Variants in CSGALNACT1 observed in about 807,000 individuals in gnomAD.
CSGALNACT1 encodes the protein beta4GalNAcT-1.
In CSGALNACT1, 52 loss-of-function variants were observed where a neutral mutation model predicts 51.0. That is an observed-to-expected ratio of 1.02 (90% CI 0.82 to 1.29). The LOEUF (loss-of-function observed/expected upper bound fraction) is 1.29. Among genes scored for constraint, CSGALNACT1 ranks in the 50% most tolerant of loss-of-function variants. The probability of loss-of-function intolerance (pLI) is 0.00; values close to 1 mark genes in which losing one functional copy is unlikely to be tolerated. For synonymous variants in CSGALNACT1, 341 were observed against 254.4 expected (o/e 1.34, Z -3.24); for missense variants, 935 against 679.2 (o/e 1.38, Z -4.19).
At position 19,418,646 on chromosome 8, in the gene CSGALNACT1, A is replaced by C. The variant is rs1427430271; in HGVS notation, c.1227+10T>G. 1.9e-6 allele frequency: 3 copies of C among 1,580,428 alleles called. No homozygotes were observed. The highest frequency in any genetic ancestry group is 3.3e-5 in the Admixed American group (2 of 59,972). ...AGCCACACAGAGCCATCTGCAGGGT[A>C]ATTACTCACCAGCTGCTGTTCCAAG... is the stretch of plus-strand genomic sequence containing the variant. On this transcript the variant is annotated intron_variant, in intron 8 of 9. Coordinates refer to ENST00000454498, the Ensembl canonical transcript of CSGALNACT1.
chr8:19,633,105 C>T (rs918267365), intron 1 of CSGALNACT1, among the ~76,000 whole-genome samples: 1 of 151,896 alleles, frequency 6.6e-6, no homozygotes, highest in Non-Finnish European at 1.5e-5. Context: ...AGTTTGGGGG[C>T]TGGTAAGAAT....
At chr8:19,674,136 A>G (rs369385052) in intron 1 of CSGALNACT1, among the ~76,000 whole-genome samples, 30 of 152,282 alleles carry the variant, frequency 2.0e-4, no homozygotes, top group African/African-American at 7.0e-4. Flanking sequence ...AAAAATACGA[A>G]AAAAGAATTA....
intron 3 of CSGALNACT1, among the ~76,000 whole-genome samples, chr8:19,532,622 T>G (rs748272552): frequency 2.5e-4 from 38 of 152,182 alleles, no homozygotes; most frequent in Non-Finnish European, 3.4e-4. Flanking sequence ...CCTCAAAGTC[T>G]TTCTAATGTG....
intron 1 of CSGALNACT1, among the ~76,000 whole-genome samples, chr8:19,634,424 G>C (rs1017700625): frequency 6.6e-6 from 1 of 152,020 alleles, no homozygotes; most frequent in Admixed American, 6.5e-5. Context: ...AGCAGAGAGA[G>C]GCCGAGGCAA....
intron 1 of CSGALNACT1, among the ~76,000 whole-genome samples, chr8:19,697,492 G>C (rs1232715230): frequency 6.6e-6 from 1 of 152,170 alleles, no homozygotes; most frequent in Non-Finnish European, 1.5e-5. Flanking sequence ...CACTACCCTT[G>C]TAAGATGACT....
At chr8:19,726,320 C>CA (rs1297815443) in intron 1 of CSGALNACT1, among the ~76,000 whole-genome samples, 1 of 152,018 alleles carries the variant, frequency 6.6e-6, no homozygotes, top group African/African-American at 2.4e-5. Flanking sequence ...GTTTATGACA[C>CA]AAAAAATTGT....
chr8:19,724,749 G>A (rs1402342606), intron 1 of CSGALNACT1, among the ~76,000 whole-genome samples: 1 of 152,218 alleles, frequency 6.6e-6, no homozygotes, highest in Non-Finnish European at 1.5e-5. Flanking sequence ...AATCTGTTCT[G>A]CTCAGATACT....
rs1378104873 is a variant in CSGALNACT1 at position 19,757,042 on chromosome 8, C to G, written c.-297+808G>C. The G allele has an allele frequency of 6.6e-6, 1 of 150,756 alleles. No homozygotes were observed. 9.3% of individuals were successfully genotyped at this position (150,756 alleles called of 1,614,324 possible). ...GGAGGGAGGCCAGGCGCGGCACCGT[C>G]CTCCGCAGCTGCACGAGCCACCCCG... On this transcript the variant is annotated intron_variant, in intron 1 of 1. Coordinates refer to the CSGALNACT1 transcript ENST00000517494. The surrounding 1 kb of genome is among the most constrained non-coding windows in gnomAD (Gnocchi z 4.0).
chr8:19,572,580 A>G (rs1009413404), intron 3 of CSGALNACT1, among the ~76,000 whole-genome samples: 1 of 152,214 alleles, frequency 6.6e-6, no homozygotes, highest in Non-Finnish European at 1.5e-5. Context: ...AAGAAGTTTT[A>G]ACTCAGCAAC....
At chr8:19,645,838 G>A (rs752905966) in intron 1 of CSGALNACT1, among the ~76,000 whole-genome samples, 24 of 152,080 alleles carry the variant, frequency 1.6e-4, no homozygotes, top group Non-Finnish European at 2.9e-4. Flanking sequence ...TTCCCCCAGG[G>A]CAGTGCTGGC....
intron 6 of CSGALNACT1, among the ~76,000 whole-genome samples, chr8:19,423,292 G>A (rs186649439): frequency 1.3e-5 from 2 of 152,316 alleles, no homozygotes; most frequent in Admixed American, 6.5e-5. Flanking sequence ...AAATCATGTT[G>A]AGTAATTAAA....
chr8:19,485,754 G>T (rs1178618196), intron 4 of CSGALNACT1, among the ~76,000 whole-genome samples: 2 of 69,548 alleles, frequency 2.9e-5, no homozygotes, highest in Non-Finnish European at 6.0e-5. Flanking sequence ...TGCCACCTCA[G>T]CTTGCTTTTT....
At chr8:19,604,650 G>A (rs2051096322), upstream of CSGALNACT1, among the ~76,000 whole-genome samples, 1 of 151,214 alleles carries the variant, frequency 6.6e-6, no homozygotes, top group African/African-American at 2.4e-5. Context: ...GCTCATGCGT[G>A]TAATCCCAGC....
chr8:19,530,609 G>A (rs1260532422), intron 3 of CSGALNACT1, among the ~76,000 whole-genome samples: 4 of 152,114 alleles, frequency 2.6e-5, no homozygotes, highest in South Asian at 2.1e-4. Flanking sequence ...CTCGCAGCTC[G>A]AGTCCCAGTT....
At chr8:19,472,610 G>C (rs1358447255) in intron 4 of CSGALNACT1, among the ~76,000 whole-genome samples, 2 of 152,210 alleles carry the variant, frequency 1.3e-5, no homozygotes, top group Non-Finnish European at 2.9e-5. Flanking sequence ...GTAAGAATCT[G>C]AGACCAATGT....
At chr8:19,651,213 G>A (rs2057771860) in intron 1 of CSGALNACT1, among the ~76,000 whole-genome samples, 1 of 152,090 alleles carries the variant, frequency 6.6e-6, no homozygotes. Flanking sequence ...CCACTGCATG[G>A]CAAAATGAGG....
intron 5 of CSGALNACT1, among the ~76,000 whole-genome samples, chr8:19,444,213 G>T (rs1233145644): frequency 6.6e-6 from 1 of 152,158 alleles, no homozygotes; most frequent in African/African-American, 2.4e-5. Context: ...ACATCCTCTT[G>T]TAGACTTTAA....
chr8:19,448,589 TA>T (rs908372711), intron 5 of CSGALNACT1, among the ~76,000 whole-genome samples: 1 of 152,084 alleles, frequency 6.6e-6, no homozygotes, highest in African/African-American at 2.4e-5. Flanking sequence ...AGAGCACGGT[TA>T]TTTCCACTGG....
rs114793636 is a variant in CSGALNACT1 at position 19,678,493 on chromosome 8, G to C, written c.-544+3980C>G. ...GTTACTGATTATGTCTGACGTAAAT[G>C]CAAGTCAGGCACGTAATAGAAAATG... On this transcript the variant is annotated intron_variant, in intron 1 of 9. Transcript: ENST00000332246. The C allele has an allele frequency of 1.1e-4, 17 of 152,162 alleles. No individual in the cohort carries two copies. The East Asian group carries it at 2.9e-3, about 26-fold the overall frequency. 9.4% of individuals were successfully genotyped at this position (152,162 alleles called of 1,614,324 possible).
Sources: gnomAD v4.1 joint callset for allele counts (sites outside exome capture counted in the v4.1 genomes callset) on GRCh38, gnomAD v4.1.1 for gene constraint, Gnocchi (gnomAD v3.1) non-coding constraint, MANE v1.5 for transcripts, NCBI Gene and HGNC (gene_info 2026-07-23, HGNC 2026-07-21) for gene names.